MET: variants seen among roughly 807,000 people sequenced by gnomAD.
MET encodes MET proto-oncogene, receptor tyrosine kinase.
In MET, 48 loss-of-function variants were observed where a neutral mutation model predicts 133.1. The ratio of observed to expected loss-of-function variants is 0.36; its 90% CI spans 0.29 to 0.46. MET has a LOEUF of 0.46. Ranked by LOEUF, MET falls within the 20% of genes least tolerant of loss-of-function variation. The pLI is 1.00. For missense variants in MET, 1,442 were observed against 1,695.9 expected, an observed-to-expected ratio of 0.85 and a Z score of 2.63; for synonymous variants, 628 against 616.5, an observed-to-expected ratio of 1.02 and a Z score of -0.28.
intron 3 of MET, among the ~76,000 whole-genome samples, chr7:116,738,710 T>C (rs537772162): frequency 6.6e-6 from 1 of 152,328 alleles, no homozygotes; most frequent in South Asian, 2.1e-4. Flanking sequence ...TTAGGTACTT[T>C]GAGAATCTTC....
chr7:116,798,021 A>G lies in MET; in HGVS notation c.*1897A>G, dbSNP rs1795730140. On this transcript the variant is annotated 3_prime_UTR_variant, in exon 21 of 21. Transcript: ENST00000397752. ...TTTCATAAATGTAATAAGTAATACT[A>G]ATTCACAGAGTATTGTAAATGGTGG... The G allele has an allele frequency of 4.5e-6, 1 of 221,164 alleles. No homozygotes were observed. 13.7% of individuals were successfully genotyped at this position (221,164 alleles called of 1,614,324 possible).
At position 116,699,764 on chromosome 7, in the gene MET, T is replaced by C. The variant is rs1226545782; in HGVS notation, c.680T>C (p.Met227Thr). 7 of 1,614,132 alleles carry C rather than the reference T, an allele frequency of 4.3e-6. No individual in the cohort carries two copies. The South Asian group carries it at 6.6e-5, about 15-fold the overall frequency. ...CTAAAGGAAACGAAAGATGGTTTTA[T>C]GTTTTTGACGGACCAGTCCTACATT... Reference protein sequence around the residue: ...RRLKETKDGFMFLTDQSYIDV... With the variant: ...RRLKETKDGFTFLTDQSYIDV... Residue 227 changes from methionine (M) to threonine (T), a missense_variant, in exon 2 of 21, where the codon ATG (methionine) becomes ACG (threonine). Transcript: ENST00000397752.
chr7:116,707,490 T>C (rs1366339845), intron 2 of MET, among the ~76,000 whole-genome samples: 4 of 152,192 alleles, frequency 2.6e-5, no homozygotes, highest in African/African-American at 9.6e-5. Context: ...AAAAATTAAG[T>C]TTGCTGAGTC....
chr7:116,770,031 A>G, intron 12 of MET: 1 of 557,826 alleles, frequency 1.8e-6, no homozygotes, highest in Non-Finnish European at 3.2e-6. Flanking sequence ...CCATCACGCC[A>G]CACTCTTCCC....
At position 116,771,071 on chromosome 7, in the gene MET, C is replaced by T. The variant is rs557407118; in HGVS notation, c.2731-427C>T. Among the ~76,000 whole-genome samples, 3 of 152,156 alleles carry T rather than the reference C, an allele frequency of 2.0e-5. No individual in the cohort carries two copies. The South Asian group carries it at 6.2e-4, about 32-fold the overall frequency. The stretch of plus-strand genomic sequence containing the variant: ...CCATCATAACAGTACAATTATTTAC[C>T]TCTTATGGGAAGTCTTCTCTGCCCT... On this transcript the variant is annotated intron_variant, in intron 12 of 20. Transcript: ENST00000397752.
intron 11 of MET, among the ~76,000 whole-genome samples, chr7:116,767,184 T>A (rs1289491672): frequency 1.3e-5 from 2 of 152,150 alleles, no homozygotes; most frequent in Non-Finnish European, 2.9e-5. Flanking sequence ...CTCATAGTGT[T>A]ATTTTTCAGA....
intron 3 of MET, among the ~76,000 whole-genome samples, chr7:116,736,469 A>G (rs1052469429): frequency 6.6e-6 from 1 of 152,234 alleles, no homozygotes; most frequent in Admixed American, 6.5e-5. Flanking sequence ...CTTAAAATTT[A>G]ATTCTATTAA....
At position 116,794,348 on chromosome 7, in the gene MET, T is replaced by C. The variant is rs1474916773; in HGVS notation, c.3799-1307T>C. On this transcript the variant is annotated intron_variant, in intron 19 of 20. Coordinates refer to ENST00000397752, the MANE Select transcript of MET (RefSeq NM_000245.4). Reference sequence around the variant, plus strand: ...TGTTGTCAGAAGTGATTGTTGATTGTTAAGATTTTCAGACTTTGAAAACTT... The same window carrying C: ...TGTTGTCAGAAGTGATTGTTGATTGCTAAGATTTTCAGACTTTGAAAACTT... Among the ~76,000 whole-genome samples, 6 of 152,352 alleles carry C rather than the reference T, an allele frequency of 3.9e-5. No homozygotes were observed. In the East Asian group the frequency reaches 1.2e-3, roughly 29 times the overall value.
intron 19 of MET, among the ~76,000 whole-genome samples, chr7:116,785,408 G>A (rs534706980): frequency 6.6e-6 from 1 of 151,892 alleles, no homozygotes; most frequent in Non-Finnish European, 1.5e-5. Context: ...AGGACCAAGT[G>A]GGGGGAGGGG....
chr7:116,676,990 T>C (rs1011237585), intron 1 of MET, among the ~76,000 whole-genome samples: 1 of 70,522 alleles, frequency 1.4e-5, no homozygotes, highest in Non-Finnish European at 3.8e-5. Context: ...GTTGTTTTGT[T>C]TTTTTTTTTG....
At chr7:116,721,727 T>G (rs1792492283) in intron 2 of MET, among the ~76,000 whole-genome samples, 2 of 151,998 alleles carry the variant, frequency 1.3e-5, no homozygotes, top group South Asian at 4.2e-4. Flanking sequence ...TATTTCTGCC[T>G]TCATTTCGTT....
chr7:116,688,533 G>A (rs1400152335), intron 1 of MET, among the ~76,000 whole-genome samples: 2 of 152,090 alleles, frequency 1.3e-5, no homozygotes, highest in Non-Finnish European at 2.9e-5. Flanking sequence ...TGTCAATCAG[G>A]GCTCTGAGAG....
chr7:116,700,331 G>C, intron 2 of MET, 47 bp downstream of exon 2: 1 of 1,573,406 alleles, frequency 6.4e-7, no homozygotes, highest in Non-Finnish European at 8.6e-7. Flanking sequence ...GTATAAATTA[G>C]AAATAAGTAT....
At chr7:116,759,956 T>G (rs1284355125) in intron 10 of MET, among the ~76,000 whole-genome samples, 1 of 152,172 alleles carries the variant, frequency 6.6e-6, no homozygotes, top group Non-Finnish European at 1.5e-5. Flanking sequence ...TTGTATTTTT[T>G]GGTAGAGACG....
At chr7:116,677,353 T>C (rs1012750996) in intron 1 of MET, among the ~76,000 whole-genome samples, 2 of 152,254 alleles carry the variant, frequency 1.3e-5, no homozygotes, top group South Asian at 4.1e-4. Flanking sequence ...CCTATTTATA[T>C]CCTGTATCAA....
intron 20 of MET, 29 bp downstream of exon 20, chr7:116,795,820 T>A (rs1795651834): frequency 6.2e-7 from 1 of 1,614,082 alleles, no homozygotes; most frequent in Non-Finnish European, 8.5e-7. Flanking sequence ...CCTCTTACGT[T>A]CTTTACTTTT....
intron 11 of MET, among the ~76,000 whole-genome samples, chr7:116,766,506 A>T (rs1021924709): frequency 2.6e-5 from 4 of 152,224 alleles, no homozygotes; most frequent in African/African-American, 9.6e-5. Context: ...GCCCAGAGCC[A>T]GCCAGATGTT....
intron 3 of MET, among the ~76,000 whole-genome samples, chr7:116,738,242 T>G (rs1414304044): frequency 6.6e-6 from 1 of 152,164 alleles, no homozygotes; most frequent in Admixed American, 6.5e-5. Context: ...CAAAGAAATA[T>G]GGGGGGTATT....
rs149577283 is a variant in MET, at chr7:116,718,059, C to T, written c.1201-13609C>T. On this transcript the variant is annotated intron_variant, in intron 2 of 20. Transcript: ENST00000397752. ...CTATGACAGTATATAAGACTTTGGG[C>T]TAAGGAAGCAAGTTTGCAACAAGTT... Among the ~76,000 whole-genome samples, 271 of 152,096 alleles carry T rather than the reference C, an allele frequency of 1.8e-3. 2 individuals are homozygous for T. Among genetic ancestry groups the T allele is most frequent in the African/African-American group, 6.2e-3 (258 of 41,476 alleles).
Sources: gnomAD v4.1 joint callset for allele counts (sites outside exome capture counted in the v4.1 genomes callset) on GRCh38, gnomAD v4.1.1 for gene constraint, MANE v1.5 for transcripts, NCBI Gene and HGNC (gene_info 2026-07-23, HGNC 2026-07-21) for gene names.